The following RAB21 variants were observed in gnomAD, a reference collection of about 807,000 sequenced individuals.
RAB21 encodes ras-related protein Rab-21.
Under a neutral mutation model 33.1 loss-of-function variants are expected in RAB21, and 13 were observed. That is an observed-to-expected ratio of 0.39 (90% confidence interval 0.26 to 0.62). The LOEUF (loss-of-function observed/expected upper bound fraction) is 0.62, where lower values mean the gene tolerates loss of function less well. Ranked by LOEUF, RAB21 falls within the 20% of genes least tolerant of loss-of-function variation. RAB21 has a pLI of 0.48. For synonymous variants in RAB21, 91 were observed against 103.7 expected (o/e 0.88, Z 0.74); for missense variants, 234 against 279.1 (o/e 0.84, Z 1.15).
chr12:71,783,821 C>G (rs1396067933), intron 6 of RAB21, among the ~76,000 whole-genome samples: 1 of 152,090 alleles, frequency 6.6e-6, no homozygotes, highest in Non-Finnish European at 1.5e-5. Flanking sequence ...GGTGGTGATG[C>G]TAGTCATCAG....
intron 1 of RAB21, among the ~76,000 whole-genome samples, chr12:71,762,285 A>AGGTTT (rs1253604385): frequency 4.2e-4 from 61 of 146,204 alleles, no homozygotes; most frequent in African/African-American, 1.0e-3. Context: ...CACCTAGCTT[A>AGGTTT]GGTTTTGTTT....
In RAB21 at chr12:71,796,337, A is replaced by G. The variant is rs1184778492; in HGVS notation, c.*10664A>G. On this transcript the variant is annotated 3_prime_UTR_variant, in exon 7 of 7. Transcript: ENST00000261263. ...GTTTTAAGAGCTACTTTTTGTCTGT[A>G]CTTTCCTTAATTTTCATATTATTTC... The G allele has an allele frequency of 3.6e-5, 5 of 137,768 alleles. No homozygotes were observed. Among genetic ancestry groups the G allele is most frequent in the Non-Finnish European group, 7.6e-5 (5 of 66,044 alleles). 8.5% of individuals were successfully genotyped at this position (137,768 alleles called of 1,614,324 possible).
chr12:71,780,519 A>C (rs545021284), intron 4 of RAB21, among the ~76,000 whole-genome samples: 1 of 152,222 alleles, frequency 6.6e-6, no homozygotes, highest in African/African-American at 2.4e-5. Context: ...ATAATGTAGG[A>C]AGTTAGAACT....
intron 3 of RAB21, 40 bp downstream of exon 3, chr12:71,770,739 T>G: frequency 7.4e-7 from 1 of 1,347,020 alleles, no homozygotes; most frequent in South Asian, 1.3e-5. Flanking sequence ...AGAACAATAG[T>G]AATTTTTCAA....
At chr12:71,773,854 C>A in intron 3 of RAB21, 105 bp from the exon 4 acceptor site, 4 of 733,486 alleles carry the variant, frequency 5.5e-6, no homozygotes, top group East Asian at 2.8e-5. Context: ...ATAATATAGA[C>A]TCTTAAAATT....
rs1404374935 is a variant in RAB21 at position 71,792,330 on chromosome 12, C to A, written c.*6657C>A. 5 of 152,164 alleles carry A rather than the reference C, an allele frequency of 3.3e-5. No individual in the cohort carries two copies. Among genetic ancestry groups the A allele is most frequent in the African/African-American group, 1.2e-4 (5 of 41,438 alleles). The allele number at this position is 152,164 out of a possible 1,614,324, so 9.4% of individuals were successfully genotyped here. A position where few individuals can be genotyped will look rare whatever the true frequency, so the allele number is the denominator to read the frequency against. ...TCAAGTCAAACTCTTGAATGCTATCCTCTGTGGAAATAGGGTTGGGAAAGA... is the reference window on the plus strand; with the variant it reads ...TCAAGTCAAACTCTTGAATGCTATCATCTGTGGAAATAGGGTTGGGAAAGA... On this transcript the variant is annotated 3_prime_UTR_variant, in exon 7 of 7. Coordinates refer to ENST00000261263, the MANE Select transcript of RAB21 (RefSeq NM_014999.4).
Position 71,789,138 on chromosome 12 carries a change from G to A in RAB21, c.*3465G>A, listed in dbSNP as rs1268351177. On this transcript the variant is annotated 3_prime_UTR_variant, in exon 7 of 7. Coordinates refer to ENST00000261263, the MANE Select transcript of RAB21 (RefSeq NM_014999.4). ...TTGGAAAAATAGGGAAAGAGCATAG[G>A]GAGGAATAGAATGGAAGTCAAGTAA... 1 of 151,646 alleles carries A rather than the reference G, an allele frequency of 6.6e-6. No individual in the cohort carries two copies. The highest frequency in any genetic ancestry group is 1.5e-5 in the Non-Finnish European group (1 of 67,844). 9.4% of individuals were successfully genotyped at this position (151,646 alleles called of 1,614,324 possible). A position where few individuals can be genotyped will look rare whatever the true frequency, so the allele number is the denominator to read the frequency against.
chr12:71,785,840 G>T lies in RAB21; in HGVS notation c.*167G>T. ...GCAGAGACCTTAAGTGCTAAACTTA[G>T]TGGAGTTTGTGACCAGAGAATTGGC... is the stretch of plus-strand genomic sequence containing the variant. On this transcript the variant is annotated 3_prime_UTR_variant, in exon 7 of 7. Coordinates refer to ENST00000261263, the MANE Select transcript of RAB21 (RefSeq NM_014999.4). The T allele has an allele frequency of 1.6e-6, 1 of 639,750 alleles. No homozygotes were observed. Among genetic ancestry groups the T allele is most frequent in the Non-Finnish European group, 2.5e-6 (1 of 406,304 alleles). The allele number at this position is 639,750 out of a possible 1,614,324, so 39.6% of individuals were successfully genotyped here. A position where few individuals can be genotyped will look rare whatever the true frequency, so the allele number is the denominator to read the frequency against.
rs1883464800 is a variant in RAB21 at position 71,796,422 on chromosome 12, A to G, written c.*10749A>G. The G allele has an allele frequency of 7.3e-6, 1 of 137,624 alleles. No homozygotes were observed. Among genetic ancestry groups the G allele is most frequent in the Non-Finnish European group, 1.5e-5 (1 of 66,010 alleles). The allele number at this position is 137,624 out of a possible 1,614,324, so 8.5% of individuals were successfully genotyped here. ...GAGGTTAGAATGCTTACATTTGCAA[A>G]TAGCCTGAGGAATAAATATGTGCTT... On this transcript the variant is annotated 3_prime_UTR_variant, in exon 7 of 7. Transcript: ENST00000261263.
chr12:71,799,274 C>G lies in RAB21; in HGVS notation c.*13601C>G, dbSNP rs938869851. 4 of 152,196 alleles carry G rather than the reference C, an allele frequency of 2.6e-5. No individual in the cohort carries two copies. The highest frequency in any genetic ancestry group is 9.6e-5 in the African/African-American group (4 of 41,452). 9.4% of individuals were successfully genotyped at this position (152,196 alleles called of 1,614,324 possible). ...TTTGTGTCACTGTGGGATTCATTCC[C>G]ATAGGCTCAACTTAGATTCCTAAAC... On this transcript the variant is annotated 3_prime_UTR_variant, in exon 7 of 7. Coordinates refer to ENST00000261263, the MANE Select transcript of RAB21 (RefSeq NM_014999.4).
In RAB21 at chr12:71,790,405, G is replaced by A. The variant is rs953443282; in HGVS notation, c.*4732G>A. 1 of 145,516 alleles carries A rather than the reference G, an allele frequency of 6.9e-6. No homozygotes were observed. The highest frequency in any genetic ancestry group is 1.5e-5 in the Non-Finnish European group (1 of 65,452). 9.0% of individuals were successfully genotyped at this position (145,516 alleles called of 1,614,324 possible). ...AACATGTGTAGATCAATGAGAGAAT[G>A]GTGAGGGATAGCAAGGATAAAGTAT... On this transcript the variant is annotated 3_prime_UTR_variant, in exon 7 of 7. Transcript: ENST00000261263.
At chr12:71,764,657 C>A (rs927481135) in intron 1 of RAB21, among the ~76,000 whole-genome samples, 1 of 152,026 alleles carries the variant, frequency 6.6e-6, no homozygotes, top group Non-Finnish European at 1.5e-5. Context: ...ATTTCTTACA[C>A]CTTTGCATCC....
At chr12:71,780,505 AAATAT>A (rs1883181813) in intron 4 of RAB21, among the ~76,000 whole-genome samples, 1 of 152,222 alleles carries the variant, frequency 6.6e-6, no homozygotes, top group Non-Finnish European at 1.5e-5. Flanking sequence ...TTCCAATGAC[AAATAT>A]AATGTAGGAA....
Position 71,763,478 on chromosome 12 carries a change from G to A in RAB21, c.160-6322G>A, listed in dbSNP as rs565377893. Among the ~76,000 whole-genome samples the A allele has an allele frequency of 1.5e-4, 23 of 151,466 alleles. No individual in the cohort carries two copies. The East Asian group carries it at 4.3e-3, about 28-fold the overall frequency. ...TTTTAATTTTTTTCCTCCTCCCTGTGATTACCTGTCGATTTTTTTTTAAAT... is the reference window on the plus strand; with the variant it reads ...TTTTAATTTTTTTCCTCCTCCCTGTAATTACCTGTCGATTTTTTTTTAAAT... On this transcript the variant is annotated intron_variant, in intron 1 of 6. Transcript: ENST00000261263.
In RAB21 at chr12:71,792,652, T is replaced by C. The variant is rs1883403840; in HGVS notation, c.*6979T>C. 1 of 152,212 alleles carries C rather than the reference T, an allele frequency of 6.6e-6. No individual in the cohort carries two copies. The highest frequency in any genetic ancestry group is 1.5e-5 in the Non-Finnish European group (1 of 68,042). The allele number at this position is 152,212 out of a possible 1,614,324, so 9.4% of individuals were successfully genotyped here. ...TAAAAAATTTTAAAACATTCAGCTT[T>C]TTATGACTTTGGTTAGTTTCACTCA... On this transcript the variant is annotated 3_prime_UTR_variant, in exon 7 of 7. Coordinates refer to ENST00000261263, the MANE Select transcript of RAB21 (RefSeq NM_014999.4).
rs1184882027 is a variant in RAB21, at chr12:71,799,821, C to T, written c.*14148C>T. Reference sequence around the variant, plus strand: ...GGCACAGTGGTTCACACCTGTAATCCCAGCATTTTGGGAGGCCAAGATGGG... The same window carrying T: ...GGCACAGTGGTTCACACCTGTAATCTCAGCATTTTGGGAGGCCAAGATGGG... On this transcript the variant is annotated 3_prime_UTR_variant, in exon 7 of 7. Transcript: ENST00000261263. The T allele has an allele frequency of 6.6e-6, 1 of 152,060 alleles. No individual in the cohort carries two copies. Among genetic ancestry groups the T allele is most frequent in the African/African-American group, 2.4e-5 (1 of 41,378 alleles). 9.4% of individuals were successfully genotyped at this position (152,060 alleles called of 1,614,324 possible).
Position 71,792,723 on chromosome 12 carries a change from C to G in RAB21, c.*7050C>G, listed in dbSNP as rs929962141. 13 of 152,152 alleles carry G rather than the reference C, an allele frequency of 8.5e-5. No homozygotes were observed. The highest frequency in any genetic ancestry group is 3.1e-4 in the African/African-American group (13 of 41,420). 9.4% of individuals were successfully genotyped at this position (152,152 alleles called of 1,614,324 possible). On this transcript the variant is annotated 3_prime_UTR_variant, in exon 7 of 7. Coordinates refer to ENST00000261263, the MANE Select transcript of RAB21 (RefSeq NM_014999.4). ...TGCCCAGTGCACAAACTGCTATGTG[C>G]CCAGTGTACATACATGGGAGAACCA...
rs1883296812 is a variant in RAB21 at position 71,786,565 on chromosome 12, T to G, written c.*892T>G. On this transcript the variant is annotated 3_prime_UTR_variant, in exon 7 of 7. Coordinates refer to ENST00000261263, the MANE Select transcript of RAB21 (RefSeq NM_014999.4). ...ACATTGTAAATTACATATTAAATAT[T>G]TTATCTGCTTTTACAAGCGCAAGGT... The G allele has an allele frequency of 6.6e-6, 1 of 152,626 alleles. No homozygotes were observed. 9.5% of individuals were successfully genotyped at this position (152,626 alleles called of 1,614,324 possible). A position where few individuals can be genotyped will look rare whatever the true frequency, so the allele number is the denominator to read the frequency against.
chr12:71,766,968 CT>C (rs1264959000), intron 1 of RAB21, among the ~76,000 whole-genome samples: 4 of 152,098 alleles, frequency 2.6e-5, no homozygotes, highest in Non-Finnish European at 4.4e-5. Flanking sequence ...GGCTCCCCAA[CT>C]TTTATAAAGA....
Sources: allele counts gnomAD v4.1 joint callset (sites outside exome capture counted in the v4.1 genomes callset), GRCh38; gene constraint gnomAD v4.1.1; transcripts MANE v1.5; gene names NCBI Gene and HGNC (gene_info 2026-07-23, HGNC 2026-07-21).